STPG2: variants seen among roughly 807,000 people sequenced by gnomAD.
The protein encoded by STPG2 is sperm tail PG-rich repeat containing 2, also known as sperm-tail PG-rich repeat-containing protein 2.
Under a neutral mutation model 54.2 loss-of-function variants are expected in STPG2, and 56 were observed. That is an observed-to-expected ratio of 1.03 (90% CI 0.83 to 1.29). STPG2 has a LOEUF of 1.29. STPG2 is among the 50% of genes most tolerant of loss of function. STPG2 has a pLI of 0.00. For missense variants in STPG2, 596 were observed against 544.9 expected (o/e 1.09, Z -0.93); for synonymous variants, 200 against 181.8 (o/e 1.10, Z -0.81).
chr4:97,796,204 A>G (rs1445374595), intron 9 of STPG2, among the ~76,000 whole-genome samples: 1 of 152,134 alleles, frequency 6.6e-6, no homozygotes, highest in East Asian at 1.9e-4. Context: ...CTTTAGTTTA[A>G]TTAGATCCCA....
chr4:98,142,867 C>T (rs1371737003), intron 1 of STPG2, among the ~76,000 whole-genome samples, 175 bp downstream of exon 1: 1 of 152,224 alleles, frequency 6.6e-6, no homozygotes, highest in Non-Finnish European at 1.5e-5. Context: ...ACAAGTGATA[C>T]TATCAGTCTC....
At chr4:97,710,608 C>T (rs892770104) in intron 10 of STPG2, among the ~76,000 whole-genome samples, 11 of 151,894 alleles carry the variant, frequency 7.2e-5, no homozygotes, top group South Asian at 2.1e-4. Flanking sequence ...TGTTAAAAAA[C>T]GTAAAAAGTT....
At chr4:97,701,692 T>C (rs1308006718) in intron 10 of STPG2, among the ~76,000 whole-genome samples, 1 of 152,242 alleles carries the variant, frequency 6.6e-6, no homozygotes, top group Non-Finnish European at 1.5e-5. Flanking sequence ...TTTCTGCTTA[T>C]ATAAATTAAG....
chr4:97,611,025 C>A (rs1433679776), intron 10 of STPG2, among the ~76,000 whole-genome samples: 1 of 151,792 alleles, frequency 6.6e-6, no homozygotes, highest in Non-Finnish European at 1.5e-5. Flanking sequence ...AAAATATTTT[C>A]TGGGAAAAAA....
chr4:98,073,813 C>A (rs376063179), intron 5 of STPG2, among the ~76,000 whole-genome samples: 1 of 152,000 alleles, frequency 6.6e-6, no homozygotes, highest in Non-Finnish European at 1.5e-5. Context: ...AGCATTATTG[C>A]CTTGTTATAG....
intron 5 of STPG2, among the ~76,000 whole-genome samples, chr4:98,005,281 A>G (rs1302938993): frequency 1.3e-5 from 2 of 152,104 alleles, no homozygotes; most frequent in African/African-American, 4.8e-5. Flanking sequence ...CAGTGACTCA[A>G]ATGTTAATCT....
rs551724508 is a variant in STPG2 at position 97,783,691 on chromosome 4, ATAGAC to A, written c.1204+57077_1204+57081del. Among the ~76,000 whole-genome samples the A allele has an allele frequency of 1.9e-3, 295 of 151,526 alleles. 2 individuals are homozygous for A. Among genetic ancestry groups the A allele is most frequent in the African/African-American group, 6.4e-3 (267 of 41,482 alleles). ...GAATCAATCCAAATGTCCATCAGTG[ATAGAC>A]TGGATTAAGAAAATGTGGCACATAC... On this transcript the variant is annotated intron_variant, in intron 9 of 10. Coordinates refer to ENST00000295268, the MANE Select transcript of STPG2 (RefSeq NM_174952.3).
At chr4:97,966,668 G>A (rs369413938) in intron 7 of STPG2, among the ~76,000 whole-genome samples, 21 of 152,258 alleles carry the variant, frequency 1.4e-4, no homozygotes, top group East Asian at 3.9e-4. Flanking sequence ...GACTAACAGC[G>A]GATCTCTCAG....
intron 7 of STPG2, among the ~76,000 whole-genome samples, chr4:97,958,006 C>A (rs1321405517): frequency 1.3e-5 from 2 of 151,900 alleles, no homozygotes; most frequent in African/African-American, 4.8e-5. Context: ...AACAAAAATA[C>A]AACTAAAAAC....
intron 8 of STPG2, among the ~76,000 whole-genome samples, chr4:97,887,866 G>A (rs1291365862): frequency 6.6e-6 from 1 of 152,180 alleles, no homozygotes; most frequent in Non-Finnish European, 1.5e-5. Flanking sequence ...CAGGCCCAAG[G>A]GCCCACTGCC....
intron 5 of STPG2, among the ~76,000 whole-genome samples, chr4:98,046,871 T>G (rs770737020): frequency 1.3e-5 from 2 of 152,172 alleles, no homozygotes; most frequent in Non-Finnish European, 2.9e-5. Flanking sequence ...GTTCTATCTC[T>G]TGAGTGAACC....
rs568698853 is a variant in STPG2 at position 98,002,987 on chromosome 4, A to G, written c.613-21669T>C. Among the ~76,000 whole-genome samples the G allele has an allele frequency of 2.6e-5, 4 of 152,238 alleles. No homozygotes were observed. In the South Asian group the frequency reaches 8.3e-4, roughly 32 times the overall value. ...TGCAGTCTTTCACCAAGGCAGCTAT[A>G]TGCAACTCAATGGTGGGCAGCTTAA... On this transcript the variant is annotated intron_variant, in intron 5 of 10. Transcript: ENST00000295268.
intron 4 of STPG2, among the ~76,000 whole-genome samples, chr4:97,534,355 T>C (rs1265829007): frequency 1.3e-5 from 2 of 152,122 alleles, no homozygotes; most frequent in African/African-American, 2.4e-5. Flanking sequence ...TCTTACCCTA[T>C]GCAGACTTAC....
At chr4:97,795,093 T>G (rs1727122800) in intron 9 of STPG2, among the ~76,000 whole-genome samples, 1 of 152,182 alleles carries the variant, frequency 6.6e-6, no homozygotes, top group Non-Finnish European at 1.5e-5. Flanking sequence ...TTAATGACAT[T>G]TCATTCCTTG....
chr4:97,807,245 T>C (rs1422479023), intron 9 of STPG2, among the ~76,000 whole-genome samples: 3 of 151,636 alleles, frequency 2.0e-5, no homozygotes, highest in African/African-American at 7.3e-5. Flanking sequence ...TTAATATGTT[T>C]ATTTACTCAT....
At chr4:97,661,965 T>A (rs1722387126) in intron 10 of STPG2, among the ~76,000 whole-genome samples, 2 of 152,166 alleles carry the variant, frequency 1.3e-5, no homozygotes, top group Non-Finnish European at 2.9e-5. Context: ...TTCTACTGAT[T>A]TTTGTATAGT....
At chr4:98,094,609 C>T (rs1216422286) in intron 5 of STPG2, among the ~76,000 whole-genome samples, 1 of 151,888 alleles carries the variant, frequency 6.6e-6, no homozygotes, top group Non-Finnish European at 1.5e-5. Context: ...GGGGAGCCCA[C>T]TGACCTGAAG....
At chr4:97,631,736 G>C (rs1721287633) in intron 10 of STPG2, among the ~76,000 whole-genome samples, 1 of 152,042 alleles carries the variant, frequency 6.6e-6, no homozygotes, top group Non-Finnish European at 1.5e-5. Context: ...GGTCTAGCAA[G>C]AATGTTTTTG....
intron 3 of STPG2, among the ~76,000 whole-genome samples, chr4:98,112,027 T>C (rs1486296688): frequency 1.3e-5 from 2 of 152,040 alleles, no homozygotes; most frequent in African/African-American, 4.8e-5. Flanking sequence ...TGAACTCAGC[T>C]ACTCCACCAG....
Sources: allele counts gnomAD v4.1 joint callset (sites outside exome capture counted in the v4.1 genomes callset), GRCh38; gene constraint gnomAD v4.1.1; transcripts MANE v1.5; gene names NCBI Gene and HGNC (gene_info 2026-07-23, HGNC 2026-07-21).